The following CAMK1D variants were observed in gnomAD, a reference collection of about 807,000 sequenced individuals.
CAMK1D encodes the protein calcium/calmodulin-dependent protein kinase type 1D.
Under a neutral mutation model 47.7 loss-of-function variants are expected in CAMK1D, and 9 were observed. The ratio of observed to expected loss-of-function variants is 0.19; its 90% CI spans 0.11 to 0.33. The LOEUF (loss-of-function observed/expected upper bound fraction) is 0.33, where lower values mean the gene tolerates loss of function less well. CAMK1D is among the 10% of genes least tolerant of loss of function. The probability of loss-of-function intolerance (pLI) is 1.00; values close to 1 mark genes in which losing one functional copy is unlikely to be tolerated. For synonymous variants in CAMK1D, 184 were observed against 184.9 expected (o/e 0.99, Z 0.04); for missense variants, 291 against 488.7 (o/e 0.60, Z 3.81).
intron 1 of CAMK1D, among the ~76,000 whole-genome samples, chr10:12,403,524 C>T (rs754768531): frequency 6.6e-6 from 1 of 152,200 alleles, no homozygotes; most frequent in Non-Finnish European, 1.5e-5. Context: ...GAAGTATTTA[C>T]ATGAACAGCT....
At chr10:12,581,531 C>T (rs761511666) in intron 2 of CAMK1D, among the ~76,000 whole-genome samples, 6 of 152,094 alleles carry the variant, frequency 3.9e-5, no homozygotes, top group East Asian at 1.9e-4. Flanking sequence ...CCCTTTTCAC[C>T]GCATCCCCAC....
chr10:12,548,617 A>G (rs1289235320), intron 1 of CAMK1D, among the ~76,000 whole-genome samples: 1 of 151,704 alleles, frequency 6.6e-6, no homozygotes, highest in Non-Finnish European at 1.5e-5. Context: ...GGTGTACACC[A>G]CCGTACCTGG....
At chr10:12,380,860 A>G (rs566972131) in intron 1 of CAMK1D, among the ~76,000 whole-genome samples, 1 of 152,224 alleles carries the variant, frequency 6.6e-6, no homozygotes, top group South Asian at 2.1e-4. Flanking sequence ...TGTCTCAAAA[A>G]CAAACAAACA....
chr10:12,466,653 A>G (rs1833600623), intron 1 of CAMK1D, among the ~76,000 whole-genome samples: 1 of 151,194 alleles, frequency 6.6e-6, no homozygotes, highest in African/African-American at 2.4e-5. Context: ...ATTTGTAAGT[A>G]ACAGATGAGA....
intron 3 of CAMK1D, among the ~76,000 whole-genome samples, chr10:12,758,128 G>C (rs1440405161): frequency 6.6e-6 from 1 of 152,052 alleles, no homozygotes; most frequent in Admixed American, 6.5e-5. Flanking sequence ...GGGATTACAG[G>C]CATGAGCCAC....
intron 6 of CAMK1D, among the ~76,000 whole-genome samples, chr10:12,797,709 T>C (rs780311903): frequency 2.0e-5 from 3 of 152,170 alleles, no homozygotes; most frequent in Non-Finnish European, 4.4e-5. Context: ...AGAAAGGACC[T>C]CGTCTCCCCA....
intron 8 of CAMK1D, among the ~76,000 whole-genome samples, chr10:12,817,104 G>C (rs1028286886): frequency 6.6e-6 from 1 of 152,132 alleles, no homozygotes; most frequent in African/African-American, 2.4e-5. Flanking sequence ...CTTATTCACT[G>C]TCACGAGAAC....
chr10:12,478,918 C>T (rs907969248), intron 1 of CAMK1D, among the ~76,000 whole-genome samples: 18 of 152,288 alleles, frequency 1.2e-4, no homozygotes, highest in African/African-American at 3.9e-4. Context: ...GCGTCCTGAG[C>T]GCCTGCAACG....
chr10:12,513,195 T>C (rs1288260062), intron 1 of CAMK1D, among the ~76,000 whole-genome samples: 1 of 152,202 alleles, frequency 6.6e-6, no homozygotes, highest in East Asian at 1.9e-4. Flanking sequence ...ACAAGAGGCC[T>C]TCCTGAATGT....
chr10:12,743,484 A>G (rs963188111), intron 3 of CAMK1D, among the ~76,000 whole-genome samples: 2 of 152,164 alleles, frequency 1.3e-5, no homozygotes, highest in Admixed American at 6.6e-5. Flanking sequence ...TGGGTCTATA[A>G]AAAAAGGGAA....
intron 2 of CAMK1D, among the ~76,000 whole-genome samples, chr10:12,657,536 G>A (rs7905330): frequency 3.4e-4 from 52 of 151,966 alleles, no homozygotes; most frequent in African/African-American, 1.2e-3. Flanking sequence ...AGAATGAAGC[G>A]CTAATGCTTA....
At chr10:12,799,533 C>A (rs1310578015) in intron 6 of CAMK1D, among the ~76,000 whole-genome samples, 1 of 152,208 alleles carries the variant, frequency 6.6e-6, no homozygotes, top group Non-Finnish European at 1.5e-5. Flanking sequence ...GGAAATTCTC[C>A]ATGGGTTCCG....
rs375180648 is a variant in CAMK1D at position 12,402,606 on chromosome 10, C to T, written c.92+52696C>T. 1.4e-4 allele frequency among the ~76,000 whole-genome samples: 22 copies of T among 152,216 alleles called. No individual in the cohort carries two copies. In the East Asian group the frequency reaches 4.1e-3, roughly 28 times the overall value. ...GTTTGAAAGACCACTTTGGAGCTGT[C>T]GTTAAAAAGTCTTAAGACTGGCGTT... On this transcript the variant is annotated intron_variant, in intron 1 of 10. Transcript: ENST00000619168.
chr10:12,662,651 C>CAAAAAAAAAAAAAAAA (rs56807588), intron 2 of CAMK1D, among the ~76,000 whole-genome samples: 31 of 140,492 alleles, frequency 2.2e-4, no homozygotes, highest in African/African-American at 4.7e-4. Context: ...CACTCTGCCT[C>CAAAAAAAAAAAAAAAA]AAAAAAAAAA....
chr10:12,569,372 C>T (rs1344143140), intron 2 of CAMK1D, among the ~76,000 whole-genome samples: 2 of 152,206 alleles, frequency 1.3e-5, no homozygotes, highest in Admixed American at 6.5e-5. Context: ...TCTGTTTACT[C>T]GGCATACAAG....
intron 1 of CAMK1D, among the ~76,000 whole-genome samples, chr10:12,542,146 T>C (rs981899034): frequency 6.6e-6 from 1 of 152,232 alleles, no homozygotes; most frequent in African/African-American, 2.4e-5. Flanking sequence ...CCCAAAGTGC[T>C]GGGATTACAG....
At chr10:12,596,008 G>A (rs1838137256) in intron 2 of CAMK1D, among the ~76,000 whole-genome samples, 1 of 151,896 alleles carries the variant, frequency 6.6e-6, no homozygotes, top group Non-Finnish European at 1.5e-5. Flanking sequence ...GTCTGGGAAA[G>A]GAGTTGTTAG....
chr10:12,401,373 A>T (rs1839218461), intron 1 of CAMK1D, among the ~76,000 whole-genome samples: 1 of 131,574 alleles, frequency 7.6e-6, no homozygotes, highest in Non-Finnish European at 1.6e-5. Context: ...TCCAGGCCTG[A>T]TATACCTCCC....
chr10:12,663,159 C>T (rs1840327561), intron 2 of CAMK1D, among the ~76,000 whole-genome samples: 1 of 151,684 alleles, frequency 6.6e-6, no homozygotes. Flanking sequence ...TGGGGTTTCA[C>T]CATGTTGGCC....
Sources: gnomAD v4.1 joint callset for allele counts (sites outside exome capture counted in the v4.1 genomes callset) on GRCh38, gnomAD v4.1.1 for gene constraint, MANE v1.5 for transcripts, NCBI Gene and HGNC (gene_info 2026-07-23, HGNC 2026-07-21) for gene names.